The following GALNT17 variants were observed in gnomAD, a reference collection of about 807,000 sequenced individuals.
GALNT17 encodes the protein polypeptide N-acetylgalactosaminyltransferase 17, also known as UDP-GalNAc:polypeptide N-acetylgalactosaminyltransferase-like 3.
In GALNT17, 29 loss-of-function variants were observed where a neutral mutation model predicts 63.7. That is an observed-to-expected ratio of 0.46 (90% confidence interval 0.34 to 0.62). GALNT17 has a LOEUF of 0.62. GALNT17 is among the 20% of genes least tolerant of loss of function. The probability of loss-of-function intolerance (pLI) is 0.01; values close to 1 mark genes in which losing one functional copy is unlikely to be tolerated. For synonymous variants in GALNT17, 305 were observed against 318.3 expected, an observed-to-expected ratio of 0.96 and a Z score of 0.45; for missense variants, 603 against 799.6, an observed-to-expected ratio of 0.75 and a Z score of 2.97.
intron 5 of GALNT17, among the ~76,000 whole-genome samples, chr7:71,488,467 G>A (rs1478641740): frequency 6.6e-6 from 1 of 152,018 alleles, no homozygotes; most frequent in Non-Finnish European, 1.5e-5. Flanking sequence ...ACAACCTGGA[G>A]TGGAGTTTCT....
At chr7:71,565,845 CTT>C (rs71738437) in intron 5 of GALNT17, among the ~76,000 whole-genome samples, 160 of 127,802 alleles carry the variant, frequency 1.3e-3, no homozygotes, top group Non-Finnish European at 1.7e-3. Flanking sequence ...CTTCTCTTTT[CTT>C]TTTTTTTTTT....
At chr7:71,472,786 C>T (rs2116619373) in intron 5 of GALNT17, among the ~76,000 whole-genome samples, 1 of 152,288 alleles carries the variant, frequency 6.6e-6, no homozygotes, top group Admixed American at 6.5e-5. Flanking sequence ...GACCCTCAGT[C>T]CAAATAATCC....
intron 6 of GALNT17, among the ~76,000 whole-genome samples, chr7:71,590,175 A>G (rs1789777627): frequency 6.6e-6 from 1 of 152,254 alleles, no homozygotes; most frequent in Admixed American, 6.5e-5. Flanking sequence ...GTTATAGTTC[A>G]AGAAATAGAA....
intron 6 of GALNT17, among the ~76,000 whole-genome samples, chr7:71,594,480 G>C (rs1789858385): frequency 6.6e-6 from 1 of 152,112 alleles, no homozygotes; most frequent in Non-Finnish European, 1.5e-5. Context: ...AGTAGAGATG[G>C]GGTTTTGCCC....
chr7:71,689,964 G>C (rs1239603720), intron 9 of GALNT17, among the ~76,000 whole-genome samples: 2 of 151,832 alleles, frequency 1.3e-5, no homozygotes, highest in East Asian at 1.9e-4. Flanking sequence ...CCGAGAAATG[G>C]AACAACAGAG....
chr7:71,498,832 G>A (rs772997153), intron 5 of GALNT17, among the ~76,000 whole-genome samples: 2 of 152,214 alleles, frequency 1.3e-5, no homozygotes, highest in Non-Finnish European at 2.9e-5. Flanking sequence ...GAGATGAATA[G>A]GGTTGAAATA....
chr7:71,234,424 C>A (rs1331625372), intron 1 of GALNT17, among the ~76,000 whole-genome samples: 1 of 152,084 alleles, frequency 6.6e-6, no homozygotes, highest in Non-Finnish European at 1.5e-5. Context: ...CCACACCCAG[C>A]TAATTTTTTG....
intron 2 of GALNT17, among the ~76,000 whole-genome samples, chr7:71,356,079 G>A (rs952733648): frequency 4.6e-5 from 7 of 151,988 alleles, no homozygotes; most frequent in African/African-American, 1.5e-4. Flanking sequence ...CTGAGTTCAA[G>A]CGATTCTCCT....
At chr7:71,232,220 T>C (rs1424573001) in intron 1 of GALNT17, among the ~76,000 whole-genome samples, 3 of 152,166 alleles carry the variant, frequency 2.0e-5, no homozygotes, top group Non-Finnish European at 2.9e-5. Flanking sequence ...GCCAAATCCC[T>C]GAGGCCTACA....
At chr7:71,573,441 C>A (rs2116882974) in intron 6 of GALNT17, among the ~76,000 whole-genome samples, 1 of 152,254 alleles carries the variant, frequency 6.6e-6, no homozygotes, top group East Asian at 1.9e-4. Flanking sequence ...CGCCATTCTC[C>A]CACCTCAGCC....
intron 1 of GALNT17, among the ~76,000 whole-genome samples, chr7:71,240,642 G>A (rs985672550): frequency 6.6e-6 from 1 of 151,722 alleles, no homozygotes; most frequent in African/African-American, 2.4e-5. Context: ...ATTCCATGGC[G>A]TATACGTACC....
chr7:71,678,956 C>CAAAA (rs35898355), intron 9 of GALNT17, among the ~76,000 whole-genome samples: 1 of 114,088 alleles, frequency 8.8e-6, no homozygotes, highest in Non-Finnish European at 1.7e-5. Context: ...GACTCCATCT[C>CAAAA]AAAAAAAAAA....
At chr7:71,648,990 A>G (rs891753877) in intron 6 of GALNT17, among the ~76,000 whole-genome samples, 1 of 152,240 alleles carries the variant, frequency 6.6e-6, no homozygotes, top group Non-Finnish European at 1.5e-5. Context: ...ATTGGTGCCC[A>G]GTTCTAGGTG....
At chr7:71,600,964 T>C (rs995912941) in intron 6 of GALNT17, among the ~76,000 whole-genome samples, 10 of 152,032 alleles carry the variant, frequency 6.6e-5, no homozygotes, top group Admixed American at 1.3e-4. Flanking sequence ...TTCTATGCCT[T>C]TGCATCCTCA....
At chr7:71,139,911 T>A (rs1391365626) in intron 1 of GALNT17, among the ~76,000 whole-genome samples, 1 of 152,144 alleles carries the variant, frequency 6.6e-6, no homozygotes, top group Non-Finnish European at 1.5e-5. Context: ...GATAATTTGC[T>A]TGAACCTGGA....
chr7:71,470,195 C>T (rs377357336), intron 5 of GALNT17, among the ~76,000 whole-genome samples: 206 of 152,182 alleles, frequency 1.4e-3, no homozygotes, highest in African/African-American at 4.7e-3. Context: ...GAAGACAGAG[C>T]GAGACTCCCT....
At chr7:71,616,424 A>T (rs1053850852) in intron 6 of GALNT17, among the ~76,000 whole-genome samples, 4 of 149,462 alleles carry the variant, frequency 2.7e-5, no homozygotes, top group African/African-American at 9.8e-5. Context: ...TCCTGGAAAT[A>T]TTTTTTTATT....
chr7:71,628,229 A>G lies in GALNT17; in HGVS notation c.1081-37182A>G, dbSNP rs554826690. On this transcript the variant is annotated intron_variant, in intron 6 of 10. Coordinates refer to ENST00000333538, the MANE Select transcript of GALNT17 (RefSeq NM_022479.3). ...AAGTGAATTCCTAGAAAAATAAAAT[A>G]GGAAAAAGAGAAACAAATGTTAAGC... Among the ~76,000 whole-genome samples, 10 of 152,344 alleles carry G rather than the reference A, an allele frequency of 6.6e-5. No individual in the cohort carries two copies. In the South Asian group the frequency reaches 1.7e-3, roughly 25 times the overall value.
intron 6 of GALNT17, among the ~76,000 whole-genome samples, chr7:71,650,376 A>C (rs546725551): frequency 1.3e-3 from 199 of 152,268 alleles, no homozygotes; most frequent in African/African-American, 4.5e-3. Flanking sequence ...CAGCCTTCTG[A>C]GTAGCTGGGA....
Sources: allele counts gnomAD v4.1 joint callset (sites outside exome capture counted in the v4.1 genomes callset), GRCh38; gene constraint gnomAD v4.1.1; transcripts MANE v1.5; gene names NCBI Gene and HGNC (gene_info 2026-07-23, HGNC 2026-07-21).